The following TENM2 variants were observed in gnomAD, a reference collection of about 807,000 sequenced individuals.
TENM2 encodes the protein teneurin-2.
TENM2 carries 52 observed loss-of-function variants against 245.2 expected under a neutral mutation model. The ratio of observed to expected loss-of-function variants is 0.21; its 90% CI spans 0.17 to 0.27. The LOEUF (loss-of-function observed/expected upper bound fraction) is 0.27. Among genes scored for constraint, TENM2 ranks in the 10% least tolerant of loss-of-function variants. TENM2 has a pLI of 1.00. For synonymous variants in TENM2, 1,363 were observed against 1,438.9 expected, an observed-to-expected ratio of 0.95 and a Z score of 1.19; for missense variants, 3,046 against 3,666.8, an observed-to-expected ratio of 0.83 and a Z score of 4.37.
At chr5:167,521,814 T>C (rs2127582387) in intron 2 of TENM2, among the ~76,000 whole-genome samples, 1 of 152,274 alleles carries the variant, frequency 6.6e-6, no homozygotes, top group South Asian at 2.1e-4. Context: ...TAGCCAGTTC[T>C]TCCCTTATTG....
intron 2 of TENM2, among the ~76,000 whole-genome samples, chr5:167,868,551 A>C (rs1435558204): frequency 1.3e-5 from 2 of 151,916 alleles, no homozygotes; most frequent in East Asian, 1.9e-4. Flanking sequence ...CCAGCCTGCA[A>C]CATGGTGAAA....
the TENM2 span, among the ~76,000 whole-genome samples, chr5:167,031,419 T>A: frequency 2.5e-3 from 375 of 152,278 alleles, 13 homozygotes; most frequent in East Asian, 0.065. Flanking sequence ...GTAAACGCAG[T>A]CATCTGAGTG....
intron 14 of TENM2, among the ~76,000 whole-genome samples, chr5:168,192,256 CT>C (rs1761026451): frequency 1.3e-5 from 2 of 152,128 alleles, no homozygotes; most frequent in Non-Finnish European, 2.9e-5. Context: ...AAATGTAATT[CT>C]CCCCAGGCCT....
At chr5:167,367,394 C>G (rs1760124077) in intron 1 of TENM2, among the ~76,000 whole-genome samples, 1 of 152,042 alleles carries the variant, frequency 6.6e-6, no homozygotes, top group Non-Finnish European at 1.5e-5. Context: ...TTGGCTTAAA[C>G]TTTTATGAAT....
intron 7 of TENM2, among the ~76,000 whole-genome samples, chr5:168,081,817 C>T (rs1792031010): frequency 2.0e-5 from 3 of 152,162 alleles, no homozygotes; most frequent in Non-Finnish European, 4.4e-5. Context: ...GTCTGATGGG[C>T]TTCTCTTTGT....
At chr5:167,510,113 T>A (rs1232119322) in intron 2 of TENM2, among the ~76,000 whole-genome samples, 1 of 152,218 alleles carries the variant, frequency 6.6e-6, no homozygotes, top group Non-Finnish European at 1.5e-5. Context: ...AGGCTCTCAA[T>A]AAATATTCGT....
intron 5 of TENM2, among the ~76,000 whole-genome samples, chr5:168,013,636 A>AAAACAAAACAAAAC (rs1785436530): frequency 9.7e-6 from 1 of 103,428 alleles, no homozygotes; most frequent in East Asian, 2.5e-4. Context: ...CAAAACAAAA[A>AAAACAAAACAAAAC]GCCAAGTTTC....
intron 1 of TENM2, among the ~76,000 whole-genome samples, chr5:167,311,810 A>T (rs1204069258): frequency 6.6e-6 from 1 of 152,260 alleles, no homozygotes; most frequent in Non-Finnish European, 1.5e-5. Context: ...AATTTTACTT[A>T]CAAATCATAT....
At chr5:167,629,596 A>G (rs1778733030) in intron 2 of TENM2, among the ~76,000 whole-genome samples, 2 of 152,224 alleles carry the variant, frequency 1.3e-5, no homozygotes, top group Non-Finnish European at 2.9e-5. Flanking sequence ...ACACTAGAAC[A>G]TAAAGCAAGA....
chr5:167,568,686 A>C (rs1024962253), intron 2 of TENM2, among the ~76,000 whole-genome samples: 2 of 119,682 alleles, frequency 1.7e-5, no homozygotes, highest in Middle Eastern at 3.9e-3. Flanking sequence ...TGTGTGTATA[A>C]AAATATATAT....
At chr5:167,732,135 C>CA in intron 2 of TENM2, among the ~76,000 whole-genome samples, 1 of 152,280 alleles carries the variant, frequency 6.6e-6, no homozygotes, top group Non-Finnish European at 1.5e-5. Flanking sequence ...TCTGAATCCA[C>CA]AAAAACTGAA....
intron 9 of TENM2, among the ~76,000 whole-genome samples, chr5:168,106,088 A>C (rs574744004): frequency 1.8e-4 from 27 of 152,142 alleles, no homozygotes; most frequent in Non-Finnish European, 3.7e-4. Flanking sequence ...CCAGAGCCGT[A>C]GTTGTTAGGT....
chr5:167,097,361 G>A, the TENM2 span, among the ~76,000 whole-genome samples: 25 of 152,106 alleles, frequency 1.6e-4, no homozygotes, highest in African/African-American at 6.0e-4. Context: ...TATTTAATTG[G>A]CATCAAGGTA....
chr5:167,483,142 G>T (rs1054483484), intron 2 of TENM2, among the ~76,000 whole-genome samples: 2 of 152,134 alleles, frequency 1.3e-5, no homozygotes, highest in African/African-American at 4.8e-5. Context: ...TTGGATTGTT[G>T]TGAGAATGAA....
intron 5 of TENM2, among the ~76,000 whole-genome samples, chr5:168,001,213 A>C (rs1232222425): frequency 6.6e-6 from 1 of 152,114 alleles, no homozygotes; most frequent in Non-Finnish European, 1.5e-5. Context: ...CCCAAATTGC[A>C]CTTCTGAGTT....
intron 2 of TENM2, among the ~76,000 whole-genome samples, chr5:167,631,587 T>C (rs1479116419): frequency 6.6e-6 from 1 of 152,118 alleles, no homozygotes; most frequent in Non-Finnish European, 1.5e-5. Context: ...TCCTCCAATG[T>C]GGAGTTCTTA....
chr5:166,987,073 C>T, the TENM2 span, among the ~76,000 whole-genome samples: 1 of 152,080 alleles, frequency 6.6e-6, no homozygotes, highest in African/African-American at 2.4e-5. Flanking sequence ...ATTTTTCACC[C>T]AGCTATTCCC....
intron 18 of TENM2, 82 bp downstream of exon 20, chr5:168,203,914 C>A: frequency 1.6e-6 from 2 of 1,242,130 alleles, no homozygotes; most frequent in African/African-American, 1.5e-5. Flanking sequence ...TTTAAGTGAT[C>A]ACACCTCCCC....
At chr5:167,645,562 C>T (rs553480497) in intron 2 of TENM2, among the ~76,000 whole-genome samples, 7 of 150,192 alleles carry the variant, frequency 4.7e-5, no homozygotes, top group Non-Finnish European at 1.0e-4. Flanking sequence ...ATTTAGAAAG[C>T]AGAGAATTTG....
Sources: allele counts gnomAD v4.1 joint callset (sites outside exome capture counted in the v4.1 genomes callset), GRCh38; gene constraint gnomAD v4.1.1; transcripts MANE v1.5; gene names NCBI Gene and HGNC (gene_info 2026-07-23, HGNC 2026-07-21).